Variants in GTPBP1 observed in about 807,000 individuals in gnomAD.
The protein encoded by GTPBP1 is GTP-binding protein 1.
In GTPBP1, 23 loss-of-function variants were observed where a neutral mutation model predicts 62.0. That is an observed-to-expected ratio of 0.37 (90% CI 0.27 to 0.53). The LOEUF is 0.53. Among genes scored for constraint, GTPBP1 ranks in the 20% least tolerant of loss-of-function variants. GTPBP1 has a pLI of 0.89. For missense variants in GTPBP1, 640 were observed against 917.3 expected, an observed-to-expected ratio of 0.70 and a Z score of 3.90; for synonymous variants, 344 against 364.4, an observed-to-expected ratio of 0.94 and a Z score of 0.64.
chr22:38,719,207 A>G (rs963325967), intron 4 of GTPBP1, among the ~76,000 whole-genome samples: 2 of 152,100 alleles, frequency 1.3e-5, no homozygotes, highest in Non-Finnish European at 2.9e-5. Context: ...AGGTTTCACT[A>G]TGTTGGCTAG....
In GTPBP1 at chr22:38,727,192, G is replaced by A; in HGVS notation, c.1402-21G>A. The A allele has an allele frequency of 6.4e-7, 1 of 1,552,634 alleles. No individual in the cohort carries two copies. Among genetic ancestry groups the A allele is most frequent in the Non-Finnish European group, 8.7e-7 (1 of 1,149,012 alleles). On this transcript the variant is annotated intron_variant, in intron 8 of 11. Transcript: ENST00000216044. The surrounding 1 kb of genome is among the most constrained non-coding windows in gnomAD (Gnocchi z 6.5). ...GAAGGCATAATTGTCCCTGAGGGCT[G>A]GGGCTCCCTCTTTCTTTCAGATCAA...
Position 38,731,741 on chromosome 22 carries a change from A to T in GTPBP1, c.*1037A>T, listed in dbSNP as rs2092761652. Reference sequence around the variant, plus strand: ...ACTAGAACCCCATCTTCCCTGAGCCAGGCTGAGACTAGAACCCCATCTTCC... The same window carrying T: ...ACTAGAACCCCATCTTCCCTGAGCCTGGCTGAGACTAGAACCCCATCTTCC... On this transcript the variant is annotated 3_prime_UTR_variant, in exon 12 of 12. Coordinates refer to ENST00000216044, the MANE Select transcript of GTPBP1 (RefSeq NM_004286.5). The T allele has an allele frequency of 6.6e-6, 1 of 152,524 alleles. No homozygotes were observed. Among genetic ancestry groups the T allele is most frequent in the African/African-American group, 2.4e-5 (1 of 41,458 alleles). 9.4% of individuals were successfully genotyped at this position (152,524 alleles called of 1,614,324 possible). A position where few individuals can be genotyped will look rare whatever the true frequency, so the allele number is the denominator to read the frequency against.
intron 5 of GTPBP1, chr22:38,723,130 C>A: frequency 1.3e-6 from 1 of 787,380 alleles, no homozygotes; most frequent in South Asian, 1.4e-5. Context: ...CTTCACAGTT[C>A]ACATCATGAA....
chr22:38,740,782 C>T, downstream of GTPBP1: 1 of 603,284 alleles, frequency 1.7e-6, no homozygotes. This position sits in a 1 kb window ranked among gnomAD's most constrained non-coding sequence, Gnocchi z 4.8. Context: ...CCGGTCCTCT[C>T]ACACAGCCTG....
rs577636752 is a variant in GTPBP1, at chr22:38,721,549, T to C, written c.835-193T>C. On this transcript the variant is annotated intron_variant, in intron 4 of 11. Transcript: ENST00000216044. ...ATTTTGATGGCTCAGGACAGTTGTT[T>C]CCCTGACTGGGTTTATCTTTTTTAT... is the stretch of plus-strand genomic sequence containing the variant. Among the ~76,000 whole-genome samples, 15 of 152,340 alleles carry C rather than the reference T, an allele frequency of 9.8e-5. No individual in the cohort carries two copies. The South Asian group carries it at 2.9e-3, about 29-fold the overall frequency.
intron 1 of GTPBP1, among the ~76,000 whole-genome samples, chr22:38,708,171 T>C (rs1027674004): frequency 2.6e-5 from 4 of 152,218 alleles, no homozygotes; most frequent in Non-Finnish European, 5.9e-5. Context: ...AAATTCTTTG[T>C]CCAAGGTCAC....
At chr22:38,740,311 C>T, downstream of GTPBP1, 1 of 1,604,260 alleles carries the variant, frequency 6.2e-7, no homozygotes, top group Non-Finnish European at 8.5e-7. The surrounding 1 kb of genome is among the most constrained non-coding windows in gnomAD (Gnocchi z 4.8). Flanking sequence ...AGGCCCACTT[C>T]TTCCGCCACC....
In GTPBP1 at chr22:38,730,771, G is replaced by T. The variant is rs1391018063; in HGVS notation, c.*67G>T. The T allele has an allele frequency of 5.7e-6, 5 of 878,076 alleles. No individual in the cohort carries two copies. The highest frequency in any genetic ancestry group is 3.0e-4 in the Middle Eastern group (1 of 3,340). The allele number at this position is 878,076 out of a possible 1,614,324, so 54.4% of individuals were successfully genotyped here. On this transcript the variant is annotated 3_prime_UTR_variant, in exon 12 of 12. Coordinates refer to ENST00000216044, the MANE Select transcript of GTPBP1 (RefSeq NM_004286.5). This position sits in a 1 kb window ranked among gnomAD's most constrained non-coding sequence, Gnocchi z 5.6. Reference sequence around the variant, plus strand: ...CTCTGGCCACCACTCCACCAGATGGGCAGAGCAGCTATGACCGCCACCCAG... The same window carrying T: ...CTCTGGCCACCACTCCACCAGATGGTCAGAGCAGCTATGACCGCCACCCAG...
downstream of GTPBP1, chr22:38,734,011 A>G: frequency 4.2e-6 from 1 of 236,962 alleles, no homozygotes; most frequent in Non-Finnish European, 8.6e-6. Flanking sequence ...GGGAGTGAGC[A>G]CAGGACCAGC....
At chr22:38,715,748 G>A (rs2092666095) in intron 2 of GTPBP1, among the ~76,000 whole-genome samples, 159 bp from the exon 3 acceptor site, 1 of 152,096 alleles carries the variant, frequency 6.6e-6, no homozygotes, top group Non-Finnish European at 1.5e-5. Flanking sequence ...AACTTGGTGT[G>A]TGCCCAGGTT....
At chr22:38,736,319 G>C (rs1350897978), downstream of GTPBP1, 1 of 1,614,058 alleles carries the variant, frequency 6.2e-7, no homozygotes, top group Admixed American at 1.7e-5. Flanking sequence ...GGTGTACTCG[G>C]GGTGGCCCCA....
downstream of GTPBP1, chr22:38,739,422 A>AC: frequency 1.2e-6 from 2 of 1,612,964 alleles, no homozygotes; most frequent in African/African-American, 1.3e-5. The surrounding 1 kb of genome is among the most constrained non-coding windows in gnomAD (Gnocchi z 6.7). Context: ...GATGTGGTGC[A>AC]CCTGCTGCAA....
At chr22:38,733,968 A>C (rs1346452946), downstream of GTPBP1, among the ~76,000 whole-genome samples, 3 of 152,286 alleles carry the variant, frequency 2.0e-5, no homozygotes, top group Admixed American at 1.3e-4. Context: ...CTTTGTTTAG[A>C]TGGCGTCAGA....
chr22:38,724,191 G>A (rs1214079497), intron 5 of GTPBP1, 106 bp from the exon 6 acceptor site: 1 of 703,950 alleles, frequency 1.4e-6, no homozygotes, highest in Non-Finnish European at 2.6e-6. Context: ...CCATCTATCT[G>A]TCTGTCTCCT....
At chr22:38,714,749 C>T (rs1034898212) in intron 2 of GTPBP1, among the ~76,000 whole-genome samples, 13 of 151,808 alleles carry the variant, frequency 8.6e-5, no homozygotes, top group East Asian at 7.7e-4. Flanking sequence ...ATATTTGGTG[C>T]GGGGGAAGAG....
downstream of GTPBP1, chr22:38,740,300 C>T (rs759760801): frequency 1.2e-6 from 2 of 1,602,920 alleles, no homozygotes. The surrounding 1 kb of genome is among the most constrained non-coding windows in gnomAD (Gnocchi z 4.8). Flanking sequence ...GCTGGGGCAG[C>T]AGGCCCACTT....
downstream of GTPBP1, chr22:38,737,927 C>T: frequency 1.5e-6 from 1 of 677,136 alleles, no homozygotes; most frequent in Non-Finnish European, 2.8e-6. This position sits in a 1 kb window ranked among gnomAD's most constrained non-coding sequence, Gnocchi z 4.1. Context: ...TGTGTAAAGC[C>T]CACCTCCTGG....
downstream of GTPBP1, chr22:38,738,003 C>T (rs2145929971): frequency 1.4e-6 from 1 of 728,114 alleles, no homozygotes; most frequent in South Asian, 1.5e-5. This position sits in a 1 kb window ranked among gnomAD's most constrained non-coding sequence, Gnocchi z 6.6. Context: ...GTGCTGACGT[C>T]TGCAGGATGC....
At position 38,716,938 on chromosome 22, in the gene GTPBP1, A is replaced by T; in HGVS notation, c.772A>T (p.Lys258Ter). 6.2e-7 allele frequency: 1 copy of T among 1,614,000 alleles called. No homozygotes were observed. Among genetic ancestry groups the T allele is most frequent in the South Asian group, 1.1e-5 (1 of 91,076 alleles). The stretch of plus-strand genomic sequence containing the variant: ...CTTCATCGACTTGGCTGGTCATGAG[A>T]AGTACCTGAAAACCACTGTCTTCGG... ...ITFIDLAGHE[K>*]YLKTTVFGMT... Residue 258 changes from lysine (K) to a stop codon, truncating the protein, a stop_gained, in exon 4 of 12, where the codon AAG (lysine) becomes TAG (stop). Transcript: ENST00000216044. LOFTEE classifies it high-confidence loss of function. This position sits in a 1 kb window ranked among gnomAD's most constrained non-coding sequence, Gnocchi z 5.2.
Sources: gnomAD v4.1 joint callset for allele counts (sites outside exome capture counted in the v4.1 genomes callset) on GRCh38, gnomAD v4.1.1 for gene constraint, Gnocchi (gnomAD v3.1) non-coding constraint, MANE v1.5 for transcripts, NCBI Gene and HGNC (gene_info 2026-07-23, HGNC 2026-07-21) for gene names.